Variants in EIF4G3 observed in about 807,000 individuals in gnomAD.
EIF4G3 encodes eukaryotic translation initiation factor 4 gamma 3.
In EIF4G3, 34 loss-of-function variants were observed where a neutral mutation model predicts 186.4. That is an observed-to-expected ratio of 0.18 (90% CI 0.14 to 0.24). EIF4G3 has a LOEUF of 0.24. Ranked by LOEUF, EIF4G3 falls within the 10% of genes least tolerant of loss-of-function variation. EIF4G3 has a pLI of 1.00. For synonymous variants in EIF4G3, 673 were observed against 679.5 expected (o/e 0.99, Z 0.15); for missense variants, 1,536 against 1,948.5 (o/e 0.79, Z 3.99).
At position 21,058,061 on chromosome 1, in the gene EIF4G3, T is replaced by C. The variant is rs1259371615; in HGVS notation, c.-195-7067A>G. Among the ~76,000 whole-genome samples the C allele has an allele frequency of 3.3e-5, 5 of 152,352 alleles. 1 individual carries two copies. In the East Asian group the frequency reaches 9.6e-4, roughly 29 times the overall value. On this transcript the variant is annotated intron_variant, in intron 3 of 36. Transcript: ENST00000602326. ...AGCACTAACTTATTGGATTTGATTA[T>C]ATTCTGGCCAATTAAGAGCTATCAT... is the stretch of plus-strand genomic sequence containing the variant.
At chr1:21,039,332 G>GA (rs1478485355) in intron 4 of EIF4G3, among the ~76,000 whole-genome samples, 4 of 152,048 alleles carry the variant, frequency 2.6e-5, no homozygotes, top group African/African-American at 9.7e-5. Context: ...AGAGAACACA[G>GA]AAAAACAAAA....
At chr1:20,834,986 G>T (rs2066321484) in intron 30 of EIF4G3, among the ~76,000 whole-genome samples, 1 of 152,092 alleles carries the variant, frequency 6.6e-6, no homozygotes, top group Admixed American at 6.6e-5. Flanking sequence ...CACAAAACAA[G>T]ACTTAACAAA....
At chr1:21,173,137 C>CAAAAAAA (rs1193601902) in intron 2 of EIF4G3, among the ~76,000 whole-genome samples, 7 of 29,160 alleles carry the variant, frequency 2.4e-4, no homozygotes, top group African/African-American at 6.9e-4. Flanking sequence ...GACTCAATCT[C>CAAAAAAA]AAAAAAAAAA....
At chr1:20,831,553 T>TA (rs911612999) in intron 30 of EIF4G3, among the ~76,000 whole-genome samples, 4 of 151,674 alleles carry the variant, frequency 2.6e-5, no homozygotes, top group East Asian at 3.9e-4. Flanking sequence ...TTTTTTTTTT[T>TA]ATGTTACCAG....
intron 12 of EIF4G3, among the ~76,000 whole-genome samples, chr1:20,954,599 C>T (rs985615876): frequency 2.2e-5 from 3 of 136,038 alleles, no homozygotes; most frequent in Non-Finnish European, 4.8e-5. Flanking sequence ...CCAGGAAAAA[C>T]TACCAAAACA....
At chr1:21,070,779 T>G (rs986701507) in intron 3 of EIF4G3, among the ~76,000 whole-genome samples, 2 of 152,174 alleles carry the variant, frequency 1.3e-5, no homozygotes, top group African/African-American at 2.4e-5. Flanking sequence ...AAAGGTAAAC[T>G]GACATTCCAT....
At chr1:21,148,705 TAA>T (rs765374275) in intron 2 of EIF4G3, among the ~76,000 whole-genome samples, 12 of 108,950 alleles carry the variant, frequency 1.1e-4, no homozygotes, top group East Asian at 2.6e-4. Context: ...CTGTCTCATT[TAA>T]AAAAAAAAAA....
intron 14 of EIF4G3, among the ~76,000 whole-genome samples, chr1:20,930,967 A>G (rs545696572): frequency 1.3e-4 from 19 of 151,860 alleles, no homozygotes; most frequent in African/African-American, 4.1e-4. Flanking sequence ...CAGCCTCTTG[A>G]GTAGCTGGGA....
intron 30 of EIF4G3, among the ~76,000 whole-genome samples, chr1:20,840,128 A>AT: frequency 6.6e-6 from 1 of 152,160 alleles, no homozygotes; most frequent in South Asian, 2.1e-4. Context: ...CTAAAACAAA[A>AT]TTTTTTACCA....
intron 2 of EIF4G3, among the ~76,000 whole-genome samples, chr1:21,130,668 T>C (rs1266018885): frequency 6.6e-6 from 1 of 151,934 alleles, no homozygotes; most frequent in Non-Finnish European, 1.5e-5. Context: ...GACACACATA[T>C]AGAAAAAACC....
intron 2 of EIF4G3, among the ~76,000 whole-genome samples, chr1:21,125,991 T>A (rs2097033224): frequency 6.6e-6 from 1 of 150,920 alleles, no homozygotes; most frequent in African/African-American, 2.4e-5. Context: ...ATCACTTGAG[T>A]CCAGGAGTTT....
intron 2 of EIF4G3, among the ~76,000 whole-genome samples, chr1:21,148,283 T>C (rs866987180): frequency 1.3e-5 from 2 of 152,094 alleles, no homozygotes; most frequent in African/African-American, 4.8e-5. Context: ...GTTGCCCAGG[T>C]TGGTCTTGAA....
chr1:21,065,722 A>G (rs965758837), intron 3 of EIF4G3, among the ~76,000 whole-genome samples: 1 of 152,208 alleles, frequency 6.6e-6, no homozygotes, highest in Admixed American at 6.5e-5. Context: ...AGGACTTATC[A>G]TGCTGATTTA....
chr1:20,863,350 A>C (rs2076768726), intron 22 of EIF4G3, among the ~76,000 whole-genome samples: 1 of 143,142 alleles, frequency 7.0e-6, no homozygotes, highest in Non-Finnish European at 1.5e-5. Flanking sequence ...CTAGGCAACT[A>C]AGTGAGACCC....
intron 3 of EIF4G3, 42 bp downstream of exon 3, chr1:21,089,096 C>T: frequency 1.4e-6 from 1 of 704,276 alleles, no homozygotes; most frequent in Non-Finnish European, 2.6e-6. Context: ...AGGATTCACA[C>T]ACAAAAGCAC....
chr1:20,972,884 TAA>T (rs532240274), intron 11 of EIF4G3, 116 bp downstream of exon 11: 1,417 of 626,640 alleles, frequency 2.3e-3, no homozygotes, highest in Non-Finnish European at 2.5e-3. Context: ...AAGGGAAGAA[TAA>T]AAAAAAAAAA....
At chr1:20,935,793 T>C (rs764291266) in intron 14 of EIF4G3, among the ~76,000 whole-genome samples, 10 of 152,240 alleles carry the variant, frequency 6.6e-5, no homozygotes, top group Non-Finnish European at 1.5e-4. Flanking sequence ...GGAAAACTTA[T>C]AGTAAGACTA....
intron 2 of EIF4G3, among the ~76,000 whole-genome samples, chr1:21,165,821 A>T (rs2097846205): frequency 6.6e-6 from 1 of 152,002 alleles, no homozygotes; most frequent in Non-Finnish European, 1.5e-5. Flanking sequence ...TAAATGGGTG[A>T]CTCATACGGT....
intron 12 of EIF4G3, among the ~76,000 whole-genome samples, chr1:20,968,814 ATGGGAGGATG>A (rs2075255771): frequency 6.6e-6 from 1 of 152,240 alleles, no homozygotes; most frequent in African/African-American, 2.4e-5. Flanking sequence ...TTTAAAGTAT[ATGGGAGGATG>A]TGCACTGTTT....
Sources: allele counts gnomAD v4.1 joint callset (sites outside exome capture counted in the v4.1 genomes callset), GRCh38; gene constraint gnomAD v4.1.1; transcripts MANE v1.5; gene names NCBI Gene and HGNC (gene_info 2026-07-23, HGNC 2026-07-21).